Variants in APBA2 observed in about 807,000 individuals in gnomAD.
The protein encoded by APBA2 is amyloid-beta A4 precursor protein-binding family A member 2.
APBA2 carries 30 observed loss-of-function variants against 75.0 expected under a neutral mutation model. That is an observed-to-expected ratio of 0.40 (90% CI 0.30 to 0.54). The LOEUF (loss-of-function observed/expected upper bound fraction) is 0.54, where lower values mean the gene tolerates loss of function less well. Ranked by LOEUF, APBA2 falls within the 20% of genes least tolerant of loss-of-function variation. The pLI is 0.49. For synonymous variants in APBA2, 444 were observed against 409.6 expected (o/e 1.08, Z -1.01); for missense variants, 801 against 1,016.1 (o/e 0.79, Z 2.88).
At chr15:29,059,391 A>C (rs1320592129) in intron 4 of APBA2, among the ~76,000 whole-genome samples, 1 of 152,158 alleles carries the variant, frequency 6.6e-6, no homozygotes, top group African/African-American at 2.4e-5. Flanking sequence ...GTGCTAAAGT[A>C]AACTTCTGTA....
chr15:29,053,632 C>G (rs1276208527), intron 3 of APBA2, among the ~76,000 whole-genome samples: 1 of 152,038 alleles, frequency 6.6e-6, no homozygotes, highest in Non-Finnish European at 1.5e-5. Context: ...GACTGCTTTT[C>G]CCGGAGCTCT....
intron 2 of APBA2, among the ~76,000 whole-genome samples, chr15:28,939,335 C>A (rs1267080817): frequency 6.6e-6 from 1 of 152,132 alleles, no homozygotes. Context: ...ACAGATGTCT[C>A]CCTGAGTCCC....
intron 2 of APBA2, among the ~76,000 whole-genome samples, chr15:28,993,733 G>A (rs2038359635): frequency 6.6e-6 from 1 of 152,214 alleles, no homozygotes; most frequent in African/African-American, 2.4e-5. Context: ...GATGAGCTCT[G>A]GGCTTTCTGG....
intron 3 of APBA2, among the ~76,000 whole-genome samples, chr15:29,035,960 G>T (rs942812004): frequency 4.6e-5 from 7 of 152,186 alleles, no homozygotes. Context: ...CCTACCTGGG[G>T]AAGCTTTGGC....
rs150876658 is a variant in APBA2, at chr15:29,079,897, C to T, written c.1069+3806C>T. ...GGGGCCTGGTGTCCACTCCCTGTGCCATGCAGCATCTCTCTATTTCATGTC... is the reference window on the plus strand; with the variant it reads ...GGGGCCTGGTGTCCACTCCCTGTGCTATGCAGCATCTCTCTATTTCATGTC... On this transcript the variant is annotated intron_variant, in intron 6 of 14. Transcript: ENST00000683413. Among the ~76,000 whole-genome samples the T allele has an allele frequency of 3.5e-3, 526 of 152,348 alleles. 7 individuals carry two copies. Among genetic ancestry groups the T allele is most frequent in the African/African-American group, 0.012 (518 of 41,574 alleles).
chr15:29,007,662 G>A (rs2039190466), intron 3 of APBA2, among the ~76,000 whole-genome samples: 1 of 151,926 alleles, frequency 6.6e-6, no homozygotes, highest in African/African-American at 2.4e-5. Context: ...ATTGCAAGTC[G>A]AAATCACAAG....
chr15:29,058,266 T>C (rs2041989191), intron 4 of APBA2, among the ~76,000 whole-genome samples: 1 of 152,122 alleles, frequency 6.6e-6, no homozygotes, highest in Non-Finnish European at 1.5e-5. Context: ...ATCCCAGCAC[T>C]TTGGGAGGCC....
In APBA2 at chr15:29,039,101, GTGTGTGTGTGTGTGTGTGTGTGTGT is replaced by G. The variant is rs2040897720; in HGVS notation, c.-40-14743_-40-14719del. Among the ~76,000 whole-genome samples the G allele has an allele frequency of 1.7e-4, 5 of 28,682 alleles. No individual in the cohort carries two copies. In the African/African-American group the frequency reaches 2.0e-3, roughly 12 times the overall value. 18.8% of individuals were successfully genotyped at this position (28,682 alleles called of 152,430 possible). ...CCTTATTTCAGCTGTATGTCAGGGT[GTGTGTGTGTGTGTGTGTGTGTGTGT>G]GTGTGTGTGTGTGTGTGTGTGTGTG... is the stretch of plus-strand genomic sequence containing the variant. On this transcript the variant is annotated intron_variant, in intron 3 of 14. Transcript: ENST00000683413.
chr15:28,914,084 A>G (rs1700056509), intron 1 of APBA2, among the ~76,000 whole-genome samples: 1 of 152,196 alleles, frequency 6.6e-6, no homozygotes. Context: ...TATTGTGTCT[A>G]GTCTGAAAAT....
At chr15:28,940,442 A>G (rs1421865403) in intron 2 of APBA2, among the ~76,000 whole-genome samples, 1 of 145,686 alleles carries the variant, frequency 6.9e-6, no homozygotes, top group Non-Finnish European at 1.5e-5. Flanking sequence ...AGGCTGAGAC[A>G]GGAGAATGGA....
Position 29,101,599 on chromosome 15 carries a change from G to T in APBA2, c.1339G>T (p.Glu447Ter). The change falls in exon 10 of 15, where the codon GAA becomes TAA. Residue 447 changes from glutamate to a stop codon, truncating the protein, a stop_gained and splice_region_variant. Transcript: ENST00000683413. LOFTEE classifies it high-confidence loss of function. ...CGTGGCACTGTCTCCCTCCCGACAG[G>T]AAACCATGATGGACCACGCCTTGCG... ...RIKVLNADTQETMMDHALRTI... is the reference protein window; with the variant it reads ...RIKVLNADTQ The T allele has an allele frequency of 6.2e-7, 1 of 1,613,032 alleles. No individual in the cohort carries two copies. The highest frequency in any genetic ancestry group is 8.5e-7 in the Non-Finnish European group (1 of 1,179,740).
chr15:28,909,432 C>T (rs559769811), intron 1 of APBA2, among the ~76,000 whole-genome samples: 10 of 152,346 alleles, frequency 6.6e-5, no homozygotes, highest in South Asian at 2.1e-4. Flanking sequence ...TTGTAGCATG[C>T]GTCAGAACTT....
rs2033831264 is a variant in APBA2, at chr15:28,919,076, G to T, written c.-204-2564G>T. Among the ~76,000 whole-genome samples the T allele has an allele frequency of 2.0e-5, 3 of 152,102 alleles. No homozygotes were observed. In the South Asian group the frequency reaches 6.2e-4, roughly 31 times the overall value. ...GAGGTTTCACCATGTTAGCAAAGATGGTCTCAATCTCCTGACCTCGTGATC... is the reference window on the plus strand; with the variant it reads ...GAGGTTTCACCATGTTAGCAAAGATTGTCTCAATCTCCTGACCTCGTGATC... On this transcript the variant is annotated intron_variant, in intron 1 of 14. Transcript: ENST00000683413.
intron 2 of APBA2, among the ~76,000 whole-genome samples, chr15:28,977,679 C>T (rs1353428006): frequency 2.0e-5 from 3 of 152,164 alleles, no homozygotes; most frequent in East Asian, 1.9e-4. Context: ...TGAAGCATTC[C>T]GAATTTGCGG....
intron 4 of APBA2, among the ~76,000 whole-genome samples, chr15:29,068,694 C>T (rs1381731437): frequency 1.3e-5 from 2 of 152,226 alleles, no homozygotes; most frequent in Non-Finnish European, 2.9e-5. Context: ...ACCCCCTCCC[C>T]TGGACCATCT....
chr15:28,951,554 T>G (rs2035872900), intron 2 of APBA2, among the ~76,000 whole-genome samples: 1 of 152,036 alleles, frequency 6.6e-6, no homozygotes, highest in Non-Finnish European at 1.5e-5. Context: ...TATGCTAATC[T>G]GTGTATACAT....
Position 28,889,485 on chromosome 15 carries a change from C to G in APBA2, c.-205+3207C>G, listed in dbSNP as rs745500088. Among the ~76,000 whole-genome samples, 54 of 152,242 alleles carry G rather than the reference C, an allele frequency of 3.5e-4. 1 individual carries two copies. Among genetic ancestry groups the G allele is most frequent in the Non-Finnish European group, 7.1e-4 (48 of 68,040 alleles). On this transcript the variant is annotated intron_variant, in intron 1 of 14. Coordinates refer to ENST00000683413, the MANE Select transcript of APBA2 (RefSeq NM_001353788.2). ...GGCTTTCCAGTGCTCCCTCCACATCCACGTTACTCGGCTGGATTTTCTCAA... is the reference window on the plus strand; with the variant it reads ...GGCTTTCCAGTGCTCCCTCCACATCGACGTTACTCGGCTGGATTTTCTCAA...
At position 29,106,598 on chromosome 15, in the gene APBA2, C is replaced by T. The variant is rs187542324; in HGVS notation, c.1705-9C>T. 2.5e-4 allele frequency: 408 copies of T among 1,613,118 alleles called. 1 individual carries two copies. The African/African-American group carries it at 4.8e-3, about 19-fold the overall frequency. On this transcript the variant is annotated splice_polypyrimidine_tract_variant and intron_variant, in intron 11 of 14. Transcript: ENST00000683413. ...GCCAGCCCCTCTCACACTGCTGATC[C>T]CTTTGCAGCTGCAGCTGGAGAAGCA...
chr15:28,966,276 G>T (rs1442262146), intron 2 of APBA2, among the ~76,000 whole-genome samples: 1 of 152,098 alleles, frequency 6.6e-6, no homozygotes, highest in African/African-American at 2.4e-5. Flanking sequence ...AGTTGTGTCA[G>T]TTGCTCAGAG....
Sources: gnomAD v4.1 joint callset for allele counts (sites outside exome capture counted in the v4.1 genomes callset) on GRCh38, gnomAD v4.1.1 for gene constraint, MANE v1.5 for transcripts, NCBI Gene and HGNC (gene_info 2026-07-23, HGNC 2026-07-21) for gene names.